The following PRKG1 variants were observed in gnomAD, a reference collection of about 807,000 sequenced individuals.
The protein encoded by PRKG1 is cGMP-dependent protein kinase 1.
Under a neutral mutation model 88.1 loss-of-function variants are expected in PRKG1, and 35 were observed. The ratio of observed to expected loss-of-function variants is 0.40; its 90% CI spans 0.30 to 0.53. The LOEUF (loss-of-function observed/expected upper bound fraction) is 0.53, where lower values mean the gene tolerates loss of function less well. Among genes scored for constraint, PRKG1 ranks in the 20% least tolerant of loss-of-function variants. The probability of loss-of-function intolerance (pLI) is 0.59; values close to 1 mark genes in which losing one functional copy is unlikely to be tolerated. For missense variants in PRKG1, 540 were observed against 839.8 expected (o/e 0.64, Z 4.41); for synonymous variants, 303 against 292.5 (o/e 1.04, Z -0.37).
chr10:51,534,911 T>C (rs1038662350), intron 3 of PRKG1, among the ~76,000 whole-genome samples: 1 of 152,200 alleles, frequency 6.6e-6, no homozygotes, highest in Non-Finnish European at 1.5e-5. Context: ...TTGCTCACTT[T>C]ATTATACATA....
chr10:51,552,487 A>G (rs1038612738), intron 3 of PRKG1, among the ~76,000 whole-genome samples: 3 of 151,780 alleles, frequency 2.0e-5, no homozygotes, highest in East Asian at 3.9e-4. Flanking sequence ...TATAGTAGCT[A>G]GATCATGATT....
At chr10:51,827,105 A>G (rs1839898292) in intron 4 of PRKG1, among the ~76,000 whole-genome samples, 1 of 152,184 alleles carries the variant, frequency 6.6e-6, no homozygotes, top group African/African-American at 2.4e-5. Context: ...AAAGTTTCCC[A>G]AAGTATTCAA....
intron 1 of PRKG1, among the ~76,000 whole-genome samples, chr10:51,051,045 A>G (rs1008929688): frequency 1.3e-5 from 2 of 151,792 alleles, no homozygotes; most frequent in Non-Finnish European, 2.9e-5. Flanking sequence ...ATTTGCTTAT[A>G]TATTTTGGAT....
At chr10:51,074,319 C>A, upstream of PRKG1, 1 of 574,550 alleles carries the variant, frequency 1.7e-6, no homozygotes, top group Non-Finnish European at 2.6e-6. Flanking sequence ...CCCACCGCGT[C>A]TCAGGTTTAA....
intron 2 of PRKG1, among the ~76,000 whole-genome samples, chr10:51,275,120 G>A (rs1336922615): frequency 3.3e-5 from 5 of 152,204 alleles, no homozygotes; most frequent in Non-Finnish European, 7.3e-5. Context: ...TTCTCTAAGA[G>A]TGGAAAGGGT....
At chr10:51,900,004 A>G (rs1368018187) in intron 4 of PRKG1, among the ~76,000 whole-genome samples, 4 of 152,042 alleles carry the variant, frequency 2.6e-5, no homozygotes, top group South Asian at 4.1e-4. Flanking sequence ...GTCTTCCACC[A>G]TATTTTAAGT....
chr10:52,232,827 C>A (rs958155362), intron 9 of PRKG1, among the ~76,000 whole-genome samples: 1 of 152,196 alleles, frequency 6.6e-6, no homozygotes, highest in African/African-American at 2.4e-5. Flanking sequence ...AAGGCTTCCA[C>A]CTCCAGTTCA....
At chr10:51,840,506 T>G (rs1192834872) in intron 4 of PRKG1, among the ~76,000 whole-genome samples, 1 of 150,516 alleles carries the variant, frequency 6.6e-6, no homozygotes, top group Middle Eastern at 3.2e-3. Context: ...ATGTCTTTAT[T>G]GAACCCTCTA....
At chr10:51,005,774 T>C (rs1250393445) in intron 1 of PRKG1, among the ~76,000 whole-genome samples, 1 of 152,216 alleles carries the variant, frequency 6.6e-6, no homozygotes, top group African/African-American at 2.4e-5. Flanking sequence ...CTGGAAGAGC[T>C]GCTCAGAGTG....
intron 5 of PRKG1, among the ~76,000 whole-genome samples, chr10:51,956,668 C>T (rs1843309847): frequency 6.6e-6 from 1 of 151,974 alleles, no homozygotes; most frequent in African/African-American, 2.4e-5. Context: ...CTACGACAAC[C>T]AATACATAAA....
chr10:51,592,662 TTTTGAG>T (rs1294319596), intron 3 of PRKG1, among the ~76,000 whole-genome samples: 2 of 152,186 alleles, frequency 1.3e-5, no homozygotes, highest in African/African-American at 4.8e-5. Context: ...CTCCTTCTCA[TTTTGAG>T]TTTTAGTCTA....
At chr10:52,066,016 C>T (rs1846346343) in intron 7 of PRKG1, among the ~76,000 whole-genome samples, 1 of 152,162 alleles carries the variant, frequency 6.6e-6, no homozygotes, top group Non-Finnish European at 1.5e-5. Context: ...CTACCCCTTA[C>T]CCCCATTTCC....
chr10:51,974,733 C>T (rs936351411), intron 5 of PRKG1, among the ~76,000 whole-genome samples: 1 of 152,122 alleles, frequency 6.6e-6, no homozygotes, highest in African/African-American at 2.4e-5. Context: ...TTGCATAATG[C>T]ATATCATTTT....
At position 51,552,217 on chromosome 10, in the gene PRKG1, C is replaced by A. The variant is rs7901431; in HGVS notation, c.592+84381C>A. Reference sequence around the variant, plus strand: ...TTATTCAGAATAAGTACTAGCCTCCCTCTAGCACCACAATGTTTTCTTAAA... The same window carrying A: ...TTATTCAGAATAAGTACTAGCCTCCATCTAGCACCACAATGTTTTCTTAAA... On this transcript the variant is annotated intron_variant, in intron 3 of 17. Transcript: ENST00000373980. Among the ~76,000 whole-genome samples the A allele has an allele frequency of 4.6e-5, 7 of 151,418 alleles. No homozygotes were observed. The East Asian group carries it at 5.8e-4, about 13-fold the overall frequency.
At chr10:51,891,537 A>G (rs1489501554) in intron 4 of PRKG1, among the ~76,000 whole-genome samples, 1 of 152,192 alleles carries the variant, frequency 6.6e-6, no homozygotes. Flanking sequence ...AAAAGGTGAA[A>G]AATTATGTCA....
At chr10:51,499,510 A>G (rs1840960121) in intron 3 of PRKG1, among the ~76,000 whole-genome samples, 1 of 152,206 alleles carries the variant, frequency 6.6e-6, no homozygotes. Context: ...AATTTTATCT[A>G]ATTATCTACT....
At chr10:51,000,762 A>C (rs1842881029) in intron 1 of PRKG1, among the ~76,000 whole-genome samples, 1 of 152,132 alleles carries the variant, frequency 6.6e-6, no homozygotes, top group African/African-American at 2.4e-5. Flanking sequence ...TTTAAGAATG[A>C]GGTGTAAAAA....
At chr10:51,973,812 T>C (rs34197920) in intron 5 of PRKG1, among the ~76,000 whole-genome samples, 2,755 of 152,082 alleles carry the variant, frequency 0.018, 39 homozygotes, top group Non-Finnish European at 0.027. Flanking sequence ...GTAGCGACAA[T>C]TGGTTAAGAT....
chr10:51,974,010 A>T (rs558954625), intron 5 of PRKG1, among the ~76,000 whole-genome samples: 21 of 152,288 alleles, frequency 1.4e-4, no homozygotes, highest in Non-Finnish European at 2.6e-4. Flanking sequence ...GAATGCAGTT[A>T]CATTCATTCA....
Sources: gnomAD v4.1 joint callset for allele counts (sites outside exome capture counted in the v4.1 genomes callset) on GRCh38, gnomAD v4.1.1 for gene constraint, MANE v1.5 for transcripts, NCBI Gene and HGNC (gene_info 2026-07-23, HGNC 2026-07-21) for gene names.